SLC8A1: variants seen among roughly 807,000 people sequenced by gnomAD.
SLC8A1 encodes the protein sodium/calcium exchanger 1.
SLC8A1 carries 18 observed loss-of-function variants against 68.3 expected under a neutral mutation model. The ratio of observed to expected loss-of-function variants is 0.26; its 90% confidence interval spans 0.18 to 0.39. SLC8A1 has a LOEUF of 0.39. Among genes scored for constraint, SLC8A1 ranks in the 10% least tolerant of loss-of-function variants. The pLI is 1.00. For missense variants in SLC8A1, 985 were observed against 1,156.7 expected, an observed-to-expected ratio of 0.85 and a Z score of 2.15; for synonymous variants, 475 against 415.5, an observed-to-expected ratio of 1.14 and a Z score of -1.74.
At chr2:40,228,687 G>A (rs1414580445) in intron 2 of SLC8A1, among the ~76,000 whole-genome samples, 4 of 152,298 alleles carry the variant, frequency 2.6e-5, no homozygotes, top group Non-Finnish European at 4.4e-5. Context: ...TTTCTATGCA[G>A]ATATCTGCTG....
At chr2:40,117,928 C>T (rs550706329) in intron 7 of SLC8A1, among the ~76,000 whole-genome samples, 2 of 152,314 alleles carry the variant, frequency 1.3e-5, no homozygotes, top group South Asian at 2.1e-4. Context: ...AAGGCTACTG[C>T]ATCTGCAGTA....
intron 2 of SLC8A1, among the ~76,000 whole-genome samples, chr2:40,393,771 T>C (rs760354363): frequency 2.0e-5 from 3 of 152,192 alleles, no homozygotes; most frequent in Middle Eastern, 3.2e-3. Flanking sequence ...ATTTTATTTA[T>C]ATAACAGGAT....
At chr2:40,201,083 C>T (rs1424100146) in intron 2 of SLC8A1, among the ~76,000 whole-genome samples, 1 of 150,610 alleles carries the variant, frequency 6.6e-6, no homozygotes, top group Non-Finnish European at 1.5e-5. Flanking sequence ...GAATATCATT[C>T]AAATCTTGAA....
At chr2:40,313,533 T>C (rs72796683) in intron 2 of SLC8A1, among the ~76,000 whole-genome samples, 32,184 of 151,912 alleles carry the variant, frequency 0.21, 4,046 homozygotes, top group East Asian at 0.38. Flanking sequence ...TGTAGTTGAG[T>C]TTGGGTTCCT....
At chr2:40,498,585 T>C (rs1705858622) in intron 1 of SLC8A1, among the ~76,000 whole-genome samples, 2 of 152,086 alleles carry the variant, frequency 1.3e-5, no homozygotes, top group Admixed American at 1.3e-4. Context: ...TAAGGCCAAA[T>C]AGAGAAATAT....
exon 8 of SLC8A1, chr2:40,113,785 G>C (rs912747014): frequency 2.0e-5 from 3 of 152,778 alleles, no homozygotes; most frequent in Non-Finnish European, 4.4e-5. Flanking sequence ...ACATATCAAC[G>C]TCTCTATAAG....
intron 2 of SLC8A1, among the ~76,000 whole-genome samples, chr2:40,252,931 ATATG>A (rs1350612961): frequency 1.5e-4 from 20 of 130,172 alleles, no homozygotes; most frequent in Non-Finnish European, 3.0e-4. Context: ...ACATACATGT[ATATG>A]TATGTACATA....
chr2:40,369,920 C>G (rs543556261), intron 2 of SLC8A1, among the ~76,000 whole-genome samples: 1 of 151,958 alleles, frequency 6.6e-6, no homozygotes, highest in Non-Finnish European at 1.5e-5. Context: ...AGACATAATT[C>G]AAAATTTATT....
chr2:40,495,960 C>CT (rs2149930296), intron 1 of SLC8A1, among the ~76,000 whole-genome samples: 1 of 152,188 alleles, frequency 6.6e-6, no homozygotes, highest in South Asian at 2.1e-4. Flanking sequence ...ATCTATCTGT[C>CT]TATCAATCAT....
chr2:40,143,592 G>A (rs1327603620), intron 6 of SLC8A1, among the ~76,000 whole-genome samples: 1 of 152,034 alleles, frequency 6.6e-6, no homozygotes, highest in East Asian at 1.9e-4. Context: ...GATACACACT[G>A]GACTTCTTAA....
intron 1 of SLC8A1, among the ~76,000 whole-genome samples, chr2:40,495,159 T>C (rs72953176): frequency 0.012 from 1,861 of 152,160 alleles, 44 homozygotes; most frequent in African/African-American, 0.042. Context: ...GCATGATTTC[T>C]TGTGTTCATG....
intron 1 of SLC8A1, among the ~76,000 whole-genome samples, chr2:40,474,153 G>T (rs375454511): frequency 6.6e-6 from 1 of 152,222 alleles, no homozygotes; most frequent in African/African-American, 2.4e-5. Context: ...ATGACACTGT[G>T]TCAGAACAAT....
intron 2 of SLC8A1, among the ~76,000 whole-genome samples, chr2:40,262,506 G>A (rs541878099): frequency 3.3e-5 from 5 of 152,176 alleles, no homozygotes; most frequent in Non-Finnish European, 5.9e-5. Flanking sequence ...ACAAATGAGC[G>A]AAATTCTAAC....
chr2:40,274,759 G>A (rs2066487457), intron 2 of SLC8A1, among the ~76,000 whole-genome samples: 1 of 152,054 alleles, frequency 6.6e-6, no homozygotes, highest in African/African-American at 2.4e-5. Context: ...CCTAGAGAAA[G>A]AACAGTAAAC....
At chr2:40,309,638 T>C (rs2073319155) in intron 2 of SLC8A1, among the ~76,000 whole-genome samples, 1 of 151,700 alleles carries the variant, frequency 6.6e-6, no homozygotes, top group Non-Finnish European at 1.5e-5. Flanking sequence ...CCCAAGTAGC[T>C]GGGACTACAG....
chr2:40,413,839 A>C (rs576351033), intron 2 of SLC8A1, among the ~76,000 whole-genome samples: 2 of 152,194 alleles, frequency 1.3e-5, no homozygotes, highest in Non-Finnish European at 2.9e-5. Flanking sequence ...AATACATAGA[A>C]AAAGAAGCAT....
intron 2 of SLC8A1, among the ~76,000 whole-genome samples, chr2:40,252,649 T>A (rs1371523505): frequency 6.6e-6 from 1 of 152,000 alleles, no homozygotes; most frequent in African/African-American, 2.4e-5. Context: ...GCCAAGATAG[T>A]GCATTTTTAA....
chr2:40,214,492 G>C (rs2057143956), intron 2 of SLC8A1, among the ~76,000 whole-genome samples: 1 of 151,204 alleles, frequency 6.6e-6, no homozygotes, highest in African/African-American at 2.4e-5. Flanking sequence ...TCCTGGGCTG[G>C]AGTGCAATGG....
At chr2:40,498,622 T>C (rs1374977662) in intron 1 of SLC8A1, among the ~76,000 whole-genome samples, 1 of 152,124 alleles carries the variant, frequency 6.6e-6, no homozygotes, top group Non-Finnish European at 1.5e-5. Flanking sequence ...TTTAATGTAA[T>C]CCTTCCTAAC....
Sources: allele counts gnomAD v4.1 joint callset (sites outside exome capture counted in the v4.1 genomes callset), GRCh38; gene constraint gnomAD v4.1.1; transcripts MANE v1.5; gene names NCBI Gene and HGNC (gene_info 2026-07-23, HGNC 2026-07-21).